USP2: variants seen among roughly 807,000 people sequenced by gnomAD.
USP2 encodes ubiquitin specific peptidase 2.
USP2 carries 33 observed loss-of-function variants against 72.0 expected under a neutral mutation model. The observed-to-expected ratio is 0.46, with a 90% CI of 0.35 to 0.61. The LOEUF (loss-of-function observed/expected upper bound fraction) is 0.61. Ranked by LOEUF, USP2 falls within the 20% of genes least tolerant of loss-of-function variation. USP2 has a pLI of 0.01. For missense variants in USP2, 691 were observed against 797.8 expected (o/e 0.87, Z 1.61); for synonymous variants, 296 against 312.5 (o/e 0.95, Z 0.56).
intron 2 of USP2, among the ~76,000 whole-genome samples, chr11:119,369,830 G>A (rs1250180589): frequency 6.6e-6 from 1 of 152,004 alleles, no homozygotes; most frequent in Non-Finnish European, 1.5e-5. Context: ...CTCCCTTTCC[G>A]TCCACCTGTG....
chr11:119,373,846 C>T (rs1261376093), intron 1 of USP2, among the ~76,000 whole-genome samples: 1 of 152,232 alleles, frequency 6.6e-6, no homozygotes. Flanking sequence ...GTGCAGTCTT[C>T]CAGGTCAAAT....
At chr11:119,374,644 C>T (rs534695589) in intron 1 of USP2, among the ~76,000 whole-genome samples, 1 of 152,226 alleles carries the variant, frequency 6.6e-6, no homozygotes, top group Non-Finnish European at 1.5e-5. Context: ...TTGGGGACCC[C>T]CAGAGGCCTT....
intron 1 of USP2, among the ~76,000 whole-genome samples, chr11:119,378,385 G>GC (rs1951026355): frequency 6.6e-6 from 1 of 152,100 alleles, no homozygotes; most frequent in Admixed American, 6.5e-5. Flanking sequence ...CTCCTCTCAG[G>GC]CCCCAGGGCC....
Position 119,358,040 on chromosome 11 carries a change from A to C in USP2, c.1363T>G (p.Leu455Val). ...IAKRGYPEVT[L>V]MDCMRLFTKE... is the part of the protein sequence containing the mutation. ...GTGAAGAGCCTCATGCAGTCCATTA[A>C]TGTCACCTCAGGATAACCTCGCTGG... The change falls in exon 9 of 13, where the codon TTA becomes GTA. Residue 455 changes from leucine (L) to valine (V), a missense_variant. Physicochemically the swap from Leu to Val is conservative, Grantham distance 32. Coordinates refer to ENST00000260187, the MANE Select transcript of USP2 (RefSeq NM_004205.5). 6.2e-7 allele frequency: 1 copy of C among 1,614,226 alleles called. No homozygotes were observed.
At chr11:119,361,651 G>A (rs1249566169) in intron 2 of USP2, among the ~76,000 whole-genome samples, 3 of 152,068 alleles carry the variant, frequency 2.0e-5, no homozygotes, top group Non-Finnish European at 4.4e-5. Context: ...GGCTGAAGGA[G>A]GGCTTTTCTC....
At chr11:119,364,186 C>G (rs985444700) in intron 2 of USP2, 15 of 1,174,988 alleles carry the variant, frequency 1.3e-5, no homozygotes, top group Non-Finnish European at 1.6e-5. Flanking sequence ...GCCCGGGTCC[C>G]GGCTCTCGCG....
intron 1 of USP2, 88 bp downstream of exon 1, chr11:119,381,385 G>A: frequency 1.4e-6 from 2 of 1,390,042 alleles, no homozygotes; most frequent in South Asian, 2.6e-5. Context: ...ACTCTGCCCA[G>A]AATGTCGTGG....
chr11:119,372,777 G>A lies in USP2; in HGVS notation c.704C>T (p.Thr235Met), dbSNP rs369895568. Residue 235 changes from threonine (T) to methionine (M), a missense_variant, in exon 2 of 13, where the codon ACG becomes ATG. Transcript: ENST00000260187. ...SPTYRPIGRY[T>M]LWETGKGQAP... is the part of the protein sequence containing the mutation. Reference sequence around the variant, plus strand: ...CTGACCCTTTCCCGTCTCCCACAGCGTGTAGCGGCCAATGGGTCGGTAGGT... The same window carrying A: ...CTGACCCTTTCCCGTCTCCCACAGCATGTAGCGGCCAATGGGTCGGTAGGT... 124 of 1,587,816 alleles carry A rather than the reference G, an allele frequency of 7.8e-5. No individual in the cohort carries two copies. Among genetic ancestry groups the A allele is most frequent in the Admixed American group, 4.2e-4 (24 of 56,896 alleles).
rs369895568 is a variant in USP2, at chr11:119,372,777, G to T, written c.704C>A (p.Thr235Lys). 6.3e-7 allele frequency: 1 copy of T among 1,587,934 alleles called. No homozygotes were observed. The highest frequency in any genetic ancestry group is 1.8e-5 in the Admixed American group (1 of 56,916). Reference protein sequence around the residue: ...SPTYRPIGRYTLWETGKGQAP... With the variant: ...SPTYRPIGRYKLWETGKGQAP... ...CTGACCCTTTCCCGTCTCCCACAGCGTGTAGCGGCCAATGGGTCGGTAGGT... is the reference window on the plus strand; with the variant it reads ...CTGACCCTTTCCCGTCTCCCACAGCTTGTAGCGGCCAATGGGTCGGTAGGT... Residue 235 changes from threonine (T) to lysine (K), a missense_variant, in exon 2 of 13, where the codon ACG becomes AAG. Transcript: ENST00000260187.
At position 119,373,531 on chromosome 11, in the gene USP2, A is replaced by G; in HGVS notation, c.-41-10T>C. Reference sequence around the variant, plus strand: ...CTGGGAGCCTCATGGGCTGAAAGACAAGGAGTGTAGTTGTCAGAGGGCCCT... The same window carrying G: ...CTGGGAGCCTCATGGGCTGAAAGACGAGGAGTGTAGTTGTCAGAGGGCCCT... On this transcript the variant is annotated splice_polypyrimidine_tract_variant and intron_variant, in intron 1 of 12. Transcript: ENST00000260187. 1 of 1,520,592 alleles carries G rather than the reference A, an allele frequency of 6.6e-7. No homozygotes were observed. The highest frequency in any genetic ancestry group is 8.8e-7 in the Non-Finnish European group (1 of 1,141,946). The allele number at this position is 1,520,592 out of a possible 1,614,324, so 94.2% of individuals were successfully genotyped here. A position where few individuals can be genotyped will look rare whatever the true frequency, so the allele number is the denominator to read the frequency against.
chr11:119,357,286 T>A lies in USP2; in HGVS notation c.1631A>T (p.Tyr544Phe), dbSNP rs149898423. 1.1e-3 allele frequency: 1,853 copies of A among 1,613,432 alleles called. 4 individuals carry two copies. The highest frequency in any genetic ancestry group is 1.4e-3 in the Non-Finnish European group (1,680 of 1,179,920). ...GGTTCCGGAGTGATTGGACACAGCG[T>A]ACAGGTTGTAAACAGCATGGTCTGA... is the stretch of plus-strand genomic sequence containing the variant. ...ENTNHAVYNL[Y>F]AVSNHSGTTM... The change falls in exon 12 of 13, where the codon TAC becomes TTC. Residue 544 changes from tyrosine to phenylalanine, a missense_variant. Physicochemically the swap from Tyr to Phe is conservative, Grantham distance 22 (BLOSUM62 3). Transcript: ENST00000260187.
In USP2 at chr11:119,355,919, C is replaced by A. The variant is rs952745711; in HGVS notation, c.*916G>T. The A allele has an allele frequency of 6.6e-6, 1 of 151,768 alleles. No homozygotes were observed. The highest frequency in any genetic ancestry group is 2.4e-5 in the African/African-American group (1 of 41,278). 9.4% of individuals were successfully genotyped at this position (151,768 alleles called of 1,614,324 possible). On this transcript the variant is annotated 3_prime_UTR_variant, in exon 13 of 13. Transcript: ENST00000260187. ...CTAAGGGCAGGATCCCTTTCCCAGG[C>A]GGGTTTGAACAGAGCACTGGGGAAA... is the stretch of plus-strand genomic sequence containing the variant.
intron 1 of USP2, among the ~76,000 whole-genome samples, chr11:119,375,100 G>A (rs932363780): frequency 6.6e-6 from 1 of 152,230 alleles, no homozygotes; most frequent in South Asian, 2.1e-4. Flanking sequence ...AGCTTGGGAT[G>A]CCAGGCCTCC....
At chr11:119,368,957 GC>G (rs1370385921) in intron 2 of USP2, among the ~76,000 whole-genome samples, 1 of 152,216 alleles carries the variant, frequency 6.6e-6, no homozygotes, top group Non-Finnish European at 1.5e-5. Flanking sequence ...CGCAGCCCTG[GC>G]AGGGCTCAAT....
intron 2 of USP2, among the ~76,000 whole-genome samples, chr11:119,370,688 T>C (rs1396896336): frequency 6.6e-6 from 1 of 152,230 alleles, no homozygotes; most frequent in African/African-American, 2.4e-5. Flanking sequence ...GTTGGCAGTA[T>C]CTTCTGGGGC....
Position 119,360,302 on chromosome 11 carries a change from T to C in USP2, c.775-68A>G, listed in dbSNP as rs1565305319. 6 of 1,554,788 alleles carry C rather than the reference T, an allele frequency of 3.9e-6. No individual in the cohort carries two copies. In the East Asian group the frequency reaches 1.4e-4, roughly 35 times the overall value. ...GCTAGGCCTGTGCTGGGCTCTCTCG[T>C]GCAATTTCTAACCAGCTGGAGCCAC... On this transcript the variant is annotated intron_variant, in intron 2 of 12. Transcript: ENST00000260187.
intron 2 of USP2, among the ~76,000 whole-genome samples, chr11:119,367,149 C>G (rs1237344934): frequency 2.6e-5 from 4 of 152,232 alleles, no homozygotes; most frequent in Non-Finnish European, 5.9e-5. Flanking sequence ...CTTCTGGCAT[C>G]TGAATCTGGC....
chr11:119,367,391 C>T (rs900615113), intron 2 of USP2, among the ~76,000 whole-genome samples: 22 of 152,332 alleles, frequency 1.4e-4, no homozygotes, highest in African/African-American at 4.8e-4. Flanking sequence ...CTCAGATCTG[C>T]GTGGGCAGCT....
chr11:119,373,164 C>G lies in USP2; in HGVS notation c.317G>C (p.Gly106Ala). Residue 106 changes from glycine to alanine, a missense_variant, in exon 2 of 13, where the codon GGC becomes GCC. Gly to Ala is a moderately conservative substitution (Grantham distance 60, BLOSUM62 0). Coordinates refer to ENST00000260187, the MANE Select transcript of USP2 (RefSeq NM_004205.5). Reference protein sequence around the residue: ...TRGTERPLGSGLSGGSGFPYG... With the variant: ...TRGTERPLGSALSGGSGFPYG... ...AGGGAATCCGCTGCCCCCGCTGAGG[C>G]CACTGCCTAAAGGCCGCTCAGTACC... The G allele has an allele frequency of 6.2e-7, 1 of 1,614,140 alleles. No homozygotes were observed.
Sources: gnomAD v4.1 joint callset for allele counts (sites outside exome capture counted in the v4.1 genomes callset) on GRCh38, gnomAD v4.1.1 for gene constraint, MANE v1.5 for transcripts, NCBI Gene and HGNC (gene_info 2026-07-23, HGNC 2026-07-21) for gene names.